SYN3: variants seen among roughly 807,000 people sequenced by gnomAD.
SYN3 encodes synapsin III.
A neutral mutation model predicts 65.8 loss-of-function variants in SYN3; 35 were observed. The ratio of observed to expected loss-of-function variants is 0.53; its 90% CI spans 0.41 to 0.70. The LOEUF (loss-of-function observed/expected upper bound fraction) is 0.70. SYN3 is among the 30% of genes least tolerant of loss of function. The pLI is 0.00. For synonymous variants in SYN3, 270 were observed against 292.9 expected (o/e 0.92, Z 0.80); for missense variants, 680 against 749.0 (o/e 0.91, Z 1.08).
At chr22:32,844,512 C>G (rs1437940218) in intron 6 of SYN3, among the ~76,000 whole-genome samples, 1 of 152,154 alleles carries the variant, frequency 6.6e-6, no homozygotes, top group Non-Finnish European at 1.5e-5. Context: ...TCAAAGGAAG[C>G]AAAGACAGTT....
intron 3 of SYN3, among the ~76,000 whole-genome samples, chr22:32,969,617 A>G (rs2051957304): frequency 6.6e-6 from 1 of 152,228 alleles, no homozygotes; most frequent in African/African-American, 2.4e-5. Flanking sequence ...GATGAAAGCT[A>G]GTGCTCTCCA....
intron 6 of SYN3, among the ~76,000 whole-genome samples, chr22:32,749,300 C>A (rs1039318945): frequency 9.9e-6 from 1 of 100,754 alleles, no homozygotes; most frequent in East Asian, 3.3e-4. Context: ...CCCAAAGCCC[C>A]CCCCCCACCC....
At chr22:32,646,009 C>T (rs2059978881) in intron 6 of SYN3, among the ~76,000 whole-genome samples, 1 of 152,156 alleles carries the variant, frequency 6.6e-6, no homozygotes, top group East Asian at 1.9e-4. Context: ...CACATTACTT[C>T]CTGGTAGAAC....
At chr22:32,696,004 G>A (rs770985107) in intron 6 of SYN3, among the ~76,000 whole-genome samples, 1 of 152,154 alleles carries the variant, frequency 6.6e-6, no homozygotes, top group Non-Finnish European at 1.5e-5. Context: ...TTTCTTTAGA[G>A]TAATATTAGC....
At chr22:32,614,295 T>G (rs2059485313) in intron 6 of SYN3, among the ~76,000 whole-genome samples, 1 of 152,318 alleles carries the variant, frequency 6.6e-6, no homozygotes, top group Middle Eastern at 3.4e-3. Flanking sequence ...GCCATGTATC[T>G]GCAGCCGATG....
chr22:32,574,715 C>T (rs920437143), intron 7 of SYN3, among the ~76,000 whole-genome samples: 2 of 152,222 alleles, frequency 1.3e-5, no homozygotes. Context: ...AAAGCTCTCG[C>T]TGCAGCCAGT....
intron 4 of SYN3, among the ~76,000 whole-genome samples, chr22:32,896,605 G>A (rs1029550843): frequency 3.3e-5 from 5 of 152,172 alleles, no homozygotes; most frequent in African/African-American, 9.7e-5. Flanking sequence ...GGCATTTTGA[G>A]GCTAGCCTCA....
At chr22:32,844,549 G>T (rs1210181476) in intron 6 of SYN3, among the ~76,000 whole-genome samples, 1 of 152,144 alleles carries the variant, frequency 6.6e-6, no homozygotes, top group Non-Finnish European at 1.5e-5. Context: ...CTCTATGCCT[G>T]GCTTCTCAGG....
chr22:32,588,394 G>C (rs367633551), intron 7 of SYN3, among the ~76,000 whole-genome samples: 53 of 152,172 alleles, frequency 3.5e-4, no homozygotes, highest in African/African-American at 1.2e-3. Context: ...CCTCTCCTGG[G>C]GATGCTGAAT....
intron 6 of SYN3, among the ~76,000 whole-genome samples, chr22:32,633,032 T>C (rs1569108605): frequency 1.3e-5 from 2 of 152,196 alleles, no homozygotes; most frequent in Non-Finnish European, 2.9e-5. Flanking sequence ...ACATACAGGC[T>C]CATGACGTTA....
At chr22:32,934,223 C>A (rs953949416) in intron 3 of SYN3, among the ~76,000 whole-genome samples, 4 of 152,166 alleles carry the variant, frequency 2.6e-5, no homozygotes, top group African/African-American at 9.7e-5. Flanking sequence ...AAACAGGATA[C>A]CTGGTCACCA....
At chr22:32,743,123 A>AT (rs1046133908) in intron 6 of SYN3, among the ~76,000 whole-genome samples, 1 of 152,192 alleles carries the variant, frequency 6.6e-6, no homozygotes, top group Non-Finnish European at 1.5e-5. Context: ...GATAATCAGC[A>AT]TTTTTTTAAC....
In SYN3 at chr22:32,569,571, C is replaced by CTATATATATA. The variant is rs1555898682; in HGVS notation, c.774+27093_774+27102dup. 9.9e-5 allele frequency among the ~76,000 whole-genome samples: 9 copies of CTATATATATA among 90,928 alleles called. 1 individual carries two copies. Among genetic ancestry groups the CTATATATATA allele is most frequent in the East Asian group, 9.2e-4 (1 of 1,082 alleles). 59.7% of individuals were successfully genotyped at this position (90,928 alleles called of 152,430 possible). A position where few individuals can be genotyped will look rare whatever the true frequency, so the allele number is the denominator to read the frequency against. On this transcript the variant is annotated intron_variant, in intron 7 of 13. Transcript: ENST00000358763. ...TCTCTCTCTCTCTCTCTCTCTCTCTCTATATATATATATATATAAAATCTA... is the reference window on the plus strand; with the variant it reads ...TCTCTCTCTCTCTCTCTCTCTCTCTCTATATATATATATATATATATATATATAAAATCTA...
At position 32,837,390 on chromosome 22, in the gene SYN3, CCT is replaced by C. The variant is rs5845044; in HGVS notation, c.711+27523_711+27524del. Among the ~76,000 whole-genome samples the C allele has an allele frequency of 0.16, 24,081 of 152,030 alleles. 2,311 individuals carry two copies. Among genetic ancestry groups the C allele is most frequent in the African/African-American group, 0.28 (11,568 of 41,390 alleles). ...AGTAAGCAAGTCGGCGCCTCTGACCCCTGAGTGGGCTTGAGCTTTTGAGAGGT... is the reference window on the plus strand; with the variant it reads ...AGTAAGCAAGTCGGCGCCTCTGACCCGAGTGGGCTTGAGCTTTTGAGAGGT... On this transcript the variant is annotated intron_variant, in intron 6 of 13. Coordinates refer to ENST00000358763, the MANE Select transcript of SYN3 (RefSeq NM_003490.4). This position sits in a 1 kb window ranked among gnomAD's most constrained non-coding sequence, Gnocchi z 4.1.
At chr22:33,044,578 T>C (rs956790326) in intron 1 of SYN3, among the ~76,000 whole-genome samples, 3 of 151,942 alleles carry the variant, frequency 2.0e-5, no homozygotes, top group Non-Finnish European at 2.9e-5. Context: ...CTAACCTTAT[T>C]CCAGACCTTC....
At chr22:32,570,000 G>C (rs187737950) in intron 7 of SYN3, among the ~76,000 whole-genome samples, 1 of 152,142 alleles carries the variant, frequency 6.6e-6, no homozygotes, top group Admixed American at 6.5e-5. Flanking sequence ...GATGGCTTAC[G>C]TTTTCTGGGC....
rs762299337 is a variant in SYN3 at position 32,849,501 on chromosome 22, C to G, written c.711+15414G>C. On this transcript the variant is annotated intron_variant, in intron 6 of 13. Transcript: ENST00000358763. ...AGAAGCTGGTAAAGGAGGGGCCCTT[C>G]GGCACGCTGGTCTACACCATCAAGC... The G allele has an allele frequency of 7.4e-6, 12 of 1,613,684 alleles. No individual in the cohort carries two copies. Among genetic ancestry groups the G allele is most frequent in the Non-Finnish European group, 9.3e-6 (11 of 1,179,856 alleles).
chr22:32,608,627 C>G (rs1261126315), intron 6 of SYN3, among the ~76,000 whole-genome samples: 1 of 152,162 alleles, frequency 6.6e-6, no homozygotes, highest in East Asian at 1.9e-4. Context: ...TGTGCAGTGC[C>G]ATGAAATTAG....
rs2057689985 is a variant in SYN3 at position 32,511,392 on chromosome 22, G to T, written c.*2300C>A. 6.6e-6 allele frequency among the ~76,000 whole-genome samples: 1 copy of T among 152,238 alleles called. No homozygotes were observed. Among genetic ancestry groups the T allele is most frequent in the Non-Finnish European group, 1.5e-5 (1 of 68,046 alleles). The stretch of plus-strand genomic sequence containing the variant: ...TGTCGACAATGATGCCTGCAAAGCA[G>T]CAGCTTCATGTGTCTGACTGCCCAC... On this transcript the variant is annotated 3_prime_UTR_variant, in exon 14 of 14. Transcript: ENST00000358763.
Sources: gnomAD v4.1 joint callset for allele counts (sites outside exome capture counted in the v4.1 genomes callset) on GRCh38, gnomAD v4.1.1 for gene constraint, Gnocchi (gnomAD v3.1) non-coding constraint, MANE v1.5 for transcripts, NCBI Gene and HGNC (gene_info 2026-07-23, HGNC 2026-07-21) for gene names.